Variants in ARFGEF3 observed in about 807,000 individuals in gnomAD.
The protein encoded by ARFGEF3 is brefeldin A-inhibited guanine nucleotide-exchange protein 3.
In ARFGEF3, 96 loss-of-function variants were observed where a neutral mutation model predicts 221.7. The ratio of observed to expected loss-of-function variants is 0.43; its 90% CI spans 0.37 to 0.51. The LOEUF is 0.51. Ranked by LOEUF, ARFGEF3 falls within the 20% of genes least tolerant of loss-of-function variation. The pLI, the probability that ARFGEF3 is intolerant of heterozygous loss-of-function variation, is 0.00. For missense variants in ARFGEF3, 2,410 were observed against 2,789.9 expected (o/e 0.86, Z 3.07); for synonymous variants, 1,145 against 1,126.8 (o/e 1.02, Z -0.32).
intron 2 of ARFGEF3, among the ~76,000 whole-genome samples, chr6:138,174,945 T>C (rs534230663): frequency 1.3e-5 from 2 of 152,306 alleles, no homozygotes; most frequent in African/African-American, 4.8e-5. Flanking sequence ...CTATGTTGTA[T>C]TATTTTTCCT....
chr6:138,174,865 C>T (rs569221507), intron 2 of ARFGEF3, among the ~76,000 whole-genome samples: 7 of 152,126 alleles, frequency 4.6e-5, no homozygotes, highest in South Asian at 2.1e-4. Flanking sequence ...CAGTTGTGTA[C>T]GTTAGTAGTG....
In ARFGEF3 at chr6:138,326,055, C is replaced by A. The variant is rs556588978; in HGVS notation, c.5001+1901C>A. Among the ~76,000 whole-genome samples, 19 of 152,200 alleles carry A rather than the reference C, an allele frequency of 1.2e-4. No homozygotes were observed. The South Asian group carries it at 3.7e-3, about 30-fold the overall frequency. On this transcript the variant is annotated intron_variant, in intron 31 of 33. Transcript: ENST00000251691. The stretch of plus-strand genomic sequence containing the variant: ...CATTTTTAGCAGAGACGGAGTTTCG[C>A]CATGTTGGCCAGGCTGGTCTCAAAC...
At position 138,337,234 on chromosome 6, in the gene ARFGEF3, G is replaced by T. The variant is rs778219438; in HGVS notation, c.*748G>T. 7 of 152,608 alleles carry T rather than the reference G, an allele frequency of 4.6e-5. No homozygotes were observed. The highest frequency in any genetic ancestry group is 8.8e-5 in the Non-Finnish European group (6 of 68,042). 9.5% of individuals were successfully genotyped at this position (152,608 alleles called of 1,614,324 possible). A position where few individuals can be genotyped will look rare whatever the true frequency, so the allele number is the denominator to read the frequency against. On this transcript the variant is annotated 3_prime_UTR_variant, in exon 34 of 34. Coordinates refer to ENST00000251691, the MANE Select transcript of ARFGEF3 (RefSeq NM_020340.5). ...ACAGAGTACCCAGTGAAAGTGGCTG[G>T]TACGTAGATTGTCAAGAGACATAAG... is the stretch of plus-strand genomic sequence containing the variant.
chr6:138,196,269 G>A (rs1364732075), intron 2 of ARFGEF3, among the ~76,000 whole-genome samples: 6 of 152,132 alleles, frequency 3.9e-5, no homozygotes, highest in Non-Finnish European at 7.4e-5. Context: ...TATGTCATTA[G>A]GCAAGTTCAT....
chr6:138,176,181 A>ATTT (rs3044799), intron 2 of ARFGEF3, among the ~76,000 whole-genome samples: 68 of 136,944 alleles, frequency 5.0e-4, no homozygotes, highest in South Asian at 3.0e-3. Context: ...TGGTAGTTGG[A>ATTT]TTTTTTTTTT....
Position 138,292,049 on chromosome 6 carries a change from G to A in ARFGEF3, c.3364G>A (p.Asp1122Asn), listed in dbSNP as rs1480599736. ...KVVLTLSTQA[D>N]RLFEDATDKL... is the part of the protein sequence containing the mutation. ...GGTGCTCACCCTCTCCACGCAAGCC[G>A]ACAGGTGCGCGGCGCCGGCCTCCCA... is the stretch of plus-strand genomic sequence containing the variant. Residue 1122 changes from aspartate (D) to asparagine (N), a missense_variant, in exon 19 of 34, where the codon GAC (aspartate) becomes AAC (asparagine). Physicochemically the swap from Asp to Asn is conservative, Grantham distance 23. Coordinates refer to ENST00000251691, the MANE Select transcript of ARFGEF3 (RefSeq NM_020340.5). 4 of 1,438,100 alleles carry A rather than the reference G, an allele frequency of 2.8e-6. No individual in the cohort carries two copies. The highest frequency in any genetic ancestry group is 2.6e-5 in the Admixed American group (1 of 37,978). The allele number at this position is 1,438,100 out of a possible 1,614,324, so 89.1% of individuals were successfully genotyped here.
rs192191623 is a variant in ARFGEF3, at chr6:138,203,868, C to T, written c.138-3174C>T. Among the ~76,000 whole-genome samples the T allele has an allele frequency of 1.8e-4, 27 of 151,682 alleles. No homozygotes were observed. In the East Asian group the frequency reaches 4.8e-3, roughly 27 times the overall value. On this transcript the variant is annotated intron_variant, in intron 2 of 33. Coordinates refer to ENST00000251691, the MANE Select transcript of ARFGEF3 (RefSeq NM_020340.5). Reference sequence around the variant, plus strand: ...ATGTTGGCTAGGATGGTCTCTATTGCTTGACTTCGTGATCCGCCCTCCTTG... The same window carrying T: ...ATGTTGGCTAGGATGGTCTCTATTGTTTGACTTCGTGATCCGCCCTCCTTG...
At chr6:138,234,566 C>G (rs1006284387) in intron 5 of ARFGEF3, among the ~76,000 whole-genome samples, 22 of 151,928 alleles carry the variant, frequency 1.4e-4, no homozygotes, top group Non-Finnish European at 2.8e-4. Flanking sequence ...ACCTGTTGAC[C>G]TGTCTTAGGA....
chr6:138,307,805 C>A (rs1358754726), intron 23 of ARFGEF3, among the ~76,000 whole-genome samples: 1 of 152,122 alleles, frequency 6.6e-6, no homozygotes, highest in African/African-American at 2.4e-5. Flanking sequence ...GCCCAGGGCC[C>A]AGGGGTGTTG....
intron 19 of ARFGEF3, 113 bp from the exon 20 acceptor site, chr6:138,293,879 AG>A: frequency 1.0e-6 from 1 of 980,680 alleles, no homozygotes; most frequent in East Asian, 2.4e-5. Flanking sequence ...ATTTGTCTAC[AG>A]TGTTTACACA....
intron 5 of ARFGEF3, 78 bp downstream of exon 5, chr6:138,229,930 A>G: frequency 8.4e-7 from 1 of 1,194,386 alleles, no homozygotes; most frequent in Non-Finnish European, 1.2e-6. Context: ...GGTGGAACTA[A>G]GCCCCAGCAC....
At chr6:138,202,811 A>G (rs889908484) in intron 2 of ARFGEF3, among the ~76,000 whole-genome samples, 1 of 152,048 alleles carries the variant, frequency 6.6e-6, no homozygotes, top group African/African-American at 2.4e-5. Flanking sequence ...TTCTTAAAAT[A>G]TTGGTCCTCA....
chr6:138,279,917 G>A (rs750953907), intron 13 of ARFGEF3, 82 bp from the exon 14 acceptor site: 85 of 1,384,520 alleles, frequency 6.1e-5, no homozygotes, highest in Admixed American at 2.8e-4. Flanking sequence ...GCTCTGTGAC[G>A]TGAAGAGGCA....
chr6:138,172,529 A>G (rs971486409), intron 2 of ARFGEF3, among the ~76,000 whole-genome samples: 1 of 152,212 alleles, frequency 6.6e-6, no homozygotes, highest in Non-Finnish European at 1.5e-5. Flanking sequence ...GAGTGATTAT[A>G]AGGACCGGGA....
At chr6:138,218,670 TGAG>T (rs1246604131) in intron 4 of ARFGEF3, among the ~76,000 whole-genome samples, 1 of 152,186 alleles carries the variant, frequency 6.6e-6, no homozygotes, top group African/African-American at 2.4e-5. Context: ...AACCCTATCT[TGAG>T]GAGCTTGCTT....
chr6:138,247,535 G>A (rs1464973876), intron 8 of ARFGEF3, among the ~76,000 whole-genome samples: 3 of 152,136 alleles, frequency 2.0e-5, no homozygotes, highest in African/African-American at 7.2e-5. Context: ...GTATAGCAGA[G>A]TTGGAATATG....
At chr6:138,179,797 T>G (rs1358864451) in intron 2 of ARFGEF3, among the ~76,000 whole-genome samples, 1 of 152,148 alleles carries the variant, frequency 6.6e-6, no homozygotes, top group Admixed American at 6.6e-5. Flanking sequence ...GATATGCAAG[T>G]TTTTTTGGTT....
intron 2 of ARFGEF3, among the ~76,000 whole-genome samples, chr6:138,195,045 C>A (rs548934617): frequency 8.3e-4 from 113 of 135,386 alleles, no homozygotes; most frequent in African/African-American, 3.2e-3. Flanking sequence ...CTCTGTCTCC[C>A]AGGCTGGAGT....
At chr6:138,211,163 A>G (rs1342190276) in intron 4 of ARFGEF3, among the ~76,000 whole-genome samples, 1 of 152,244 alleles carries the variant, frequency 6.6e-6, no homozygotes, top group East Asian at 1.9e-4. Flanking sequence ...TGACATTTGT[A>G]AAGAACATAG....
Sources: allele counts gnomAD v4.1 joint callset (sites outside exome capture counted in the v4.1 genomes callset), GRCh38; gene constraint gnomAD v4.1.1; transcripts MANE v1.5; gene names NCBI Gene and HGNC (gene_info 2026-07-23, HGNC 2026-07-21).